PLXNA1: variants seen among roughly 807,000 people sequenced by gnomAD.
The protein encoded by PLXNA1 is plexin-A1.
In PLXNA1, 77 loss-of-function variants were observed where a neutral mutation model predicts 191.7. The ratio of observed to expected loss-of-function variants is 0.40; its 90% CI spans 0.33 to 0.49. The LOEUF (loss-of-function observed/expected upper bound fraction) is 0.49, where lower values mean the gene tolerates loss of function less well. Among genes scored for constraint, PLXNA1 ranks in the 20% least tolerant of loss-of-function variants. PLXNA1 has a pLI of 0.63. For missense variants in PLXNA1, 2,110 were observed against 2,660.2 expected (o/e 0.79, Z 4.55); for synonymous variants, 1,137 against 1,156.4 (o/e 0.98, Z 0.34).
intron 4 of PLXNA1, among the ~76,000 whole-genome samples, chr3:127,004,163 T>G (rs1424902383): frequency 1.3e-5 from 2 of 152,216 alleles, no homozygotes; most frequent in Non-Finnish European, 2.9e-5. Flanking sequence ...CTCAGGGACG[T>G]GCCTCCGTGG....
At chr3:127,010,786 G>A (rs558429594) in intron 9 of PLXNA1, among the ~76,000 whole-genome samples, 1 of 152,298 alleles carries the variant, frequency 6.6e-6, no homozygotes, top group East Asian at 1.9e-4. Context: ...TGAACTTACG[G>A]GCACCAACAA....
intron 3 of PLXNA1, among the ~76,000 whole-genome samples, chr3:126,998,042 C>T (rs73861741): frequency 0.034 from 5,227 of 152,236 alleles, 304 homozygotes; most frequent in African/African-American, 0.12. Context: ...GTGCTGGCAG[C>T]GTGCAGTGGG....
Position 127,022,095 on chromosome 3 carries a change from A to G in PLXNA1, c.4049A>G (p.Asn1350Ser), listed in dbSNP as rs1434515127. The change falls in exon 22 of 32, where the codon AAT becomes AGT. Residue 1350 changes from asparagine to serine, a missense_variant. This residue lies in a region of PLXNA1 where 559 missense variants were observed against 911.5 expected (regional missense o/e 0.61). Coordinates refer to ENST00000393409, the MANE Select transcript of PLXNA1 (RefSeq NM_032242.4). ...TGTGTGCTCCCTCAGGTGCAGGCCAATGTGGAGAAGTCGCTGACACTGTTC... is the reference window on the plus strand; with the variant it reads ...TGTGTGCTCCCTCAGGTGCAGGCCAGTGTGGAGAAGTCGCTGACACTGTTC... ...PVLKEMEVQA[N>S]VEKSLTLFGQ... 5 of 1,612,386 alleles carry G rather than the reference A, an allele frequency of 3.1e-6. No individual in the cohort carries two copies. Among genetic ancestry groups the G allele is most frequent in the Admixed American group, 3.3e-5 (2 of 59,992 alleles).
At chr3:126,990,708 CCTT>C (rs958703692) in intron 2 of PLXNA1, among the ~76,000 whole-genome samples, 1 of 152,232 alleles carries the variant, frequency 6.6e-6, no homozygotes, top group African/African-American at 2.4e-5. Flanking sequence ...GCCCCTCAGT[CCTT>C]CCGTCTCACG....
rs1289344220 is a variant in PLXNA1 at position 127,030,365 on chromosome 3, G to A, written c.5184G>A (p.Lys1728=). The change falls in exon 29 of 32, where the codon AAG becomes AAA. Residue 1728 remains lysine (K), a synonymous_variant. Transcript: ENST00000393409. ...MFDFLDEQAD[K]HQIHDADVRH... ...ACTTCCTGGATGAGCAGGCCGACAA[G>A]CACCAGATCCACGATGCTGACGTGC... is the stretch of plus-strand genomic sequence containing the variant. 1 of 1,614,018 alleles carries A rather than the reference G, an allele frequency of 6.2e-7. No homozygotes were observed. The highest frequency in any genetic ancestry group is 1.7e-5 in the Admixed American group (1 of 60,030).
At chr3:126,991,265 C>T (rs1403898637) in intron 2 of PLXNA1, 119 bp from the exon 3 acceptor site, 11 of 1,106,680 alleles carry the variant, frequency 9.9e-6, no homozygotes, top group Non-Finnish European at 1.4e-5. Context: ...CACCTCTCCT[C>T]TGGGGGCTAC....
At chr3:127,021,617 G>A (rs2079152492) in intron 21 of PLXNA1, among the ~76,000 whole-genome samples, 1 of 152,220 alleles carries the variant, frequency 6.6e-6, no homozygotes, top group Non-Finnish European at 1.5e-5. Flanking sequence ...AAGGCGGAGG[G>A]AGATGGTAGA....
chr3:127,012,606 A>G (rs915497400), intron 10 of PLXNA1, among the ~76,000 whole-genome samples: 3 of 152,230 alleles, frequency 2.0e-5, no homozygotes, highest in African/African-American at 7.2e-5. Flanking sequence ...GGCTCCGTCC[A>G]TCCCTGGCCA....
At position 126,989,254 on chromosome 3, in the gene PLXNA1, C is replaced by T; in HGVS notation, c.661C>T (p.Gln221Ter). ...TGCCGACATGTTCGGCTTCGTGTAC[C>T]AGGATGAGTTTGTGTCATCACAGCT... ...EDADMFGFVYQDEFVSSQLKI... is the reference protein window; with the variant it reads ...EDADMFGFVY The change falls in exon 2 of 32, where the codon CAG (glutamine) becomes TAG (stop). Residue 221 changes from glutamine to a stop codon, truncating the protein, a stop_gained. Coordinates refer to ENST00000393409, the MANE Select transcript of PLXNA1 (RefSeq NM_032242.4). LOFTEE classifies it high-confidence loss of function. The T allele has an allele frequency of 6.2e-7, 1 of 1,613,680 alleles. No homozygotes were observed. The highest frequency in any genetic ancestry group is 8.5e-7 in the Non-Finnish European group (1 of 1,180,042).
rs529316847 is a variant in PLXNA1 at position 127,017,608 on chromosome 3, C to T, written c.3460C>T (p.Pro1154Ser). ...CTACTACCCTGACCCCGTACTGGAG[C>T]CACTCAGCCCCACTGGCCTGCTGGA... ...FLYYPDPVLE[P>S]LSPTGLLELK... Residue 1154 changes from proline to serine, a missense_variant, in exon 18 of 32, where the codon CCA becomes TCA. Pro to Ser is a moderately conservative substitution (Grantham distance 74). This residue lies in a region of PLXNA1 where 644 missense variants were observed against 714.3 expected (regional missense o/e 0.90). Transcript: ENST00000393409. 47 of 1,613,722 alleles carry T rather than the reference C, an allele frequency of 2.9e-5. No homozygotes were observed. The Admixed American group carries it at 3.2e-4, about 11-fold the overall frequency.
chr3:126,983,428 G>T (rs1426749788), intron 1 of PLXNA1, among the ~76,000 whole-genome samples, 141 bp downstream of exon 1: 2 of 146,162 alleles, frequency 1.4e-5, no homozygotes, highest in East Asian at 4.0e-4. Context: ...CAGGCAGGGG[G>T]TGTGCGCGGG....
rs749976520 is a variant in PLXNA1, at chr3:127,016,596, C to G, written c.3094C>G (p.Arg1032Gly). The G allele has an allele frequency of 6.2e-7, 1 of 1,613,902 alleles. No homozygotes were observed. The highest frequency in any genetic ancestry group is 1.3e-5 in the African/African-American group (1 of 74,940). The change falls in exon 16 of 32, where the codon CGC becomes GGC. Residue 1032 changes from arginine to glycine, a missense_variant. By Grantham distance (125) the Arg-to-Gly change is moderately radical (BLOSUM62 -2). Around this residue, in one of 4 missense-constraint regions of PLXNA1, gnomAD observed 644 missense variants for 714.3 expected, o/e 0.90. Transcript: ENST00000393409. The part of the protein sequence containing the change: ...GSAPIIININ[R>G]AQLTNPEVKY... ...CGCTCCCATCATCATCAACATCAAC[C>G]GCGCCCAGCTCACCAACCCTGAGGT...
intron 8 of PLXNA1, among the ~76,000 whole-genome samples, chr3:127,006,715 T>A (rs983972248): frequency 5.3e-5 from 8 of 152,090 alleles, no homozygotes; most frequent in African/African-American, 1.9e-4. Flanking sequence ...TCCCCTCTGG[T>A]TGGTGCTGGC....
Position 126,988,619 on chromosome 3 carries a change from A to G in PLXNA1, c.26A>G (p.Gln9Arg). 1.3e-6 allele frequency: 2 copies of G among 1,563,634 alleles called. No homozygotes were observed. The highest frequency in any genetic ancestry group is 1.7e-6 in the Non-Finnish European group (2 of 1,155,644). ...ATGCCGCTGCCACCGCGGAGCCTGCAGGTGCTCCTGCTGCTGCTGCTGTTG... is the reference window on the plus strand; with the variant it reads ...ATGCCGCTGCCACCGCGGAGCCTGCGGGTGCTCCTGCTGCTGCTGCTGTTG... MPLPPRSL[Q>R]VLLLLLLLLL... Residue 9 changes from glutamine (Q) to arginine (R), a missense_variant, in exon 2 of 32, where the codon CAG (glutamine) becomes CGG (arginine). This residue lies in a region of PLXNA1 where 903 missense variants were observed against 1,015.7 expected (regional missense o/e 0.89). Coordinates refer to ENST00000393409, the MANE Select transcript of PLXNA1 (RefSeq NM_032242.4).
At chr3:127,020,470 C>T (rs2079147001) in intron 21 of PLXNA1, 126 bp downstream of exon 21, 12 of 1,205,772 alleles carry the variant, frequency 1.0e-5, no homozygotes, top group Non-Finnish European at 1.1e-5. Context: ...GGGTCCAGGC[C>T]TGCAGGGCTC....
chr3:126,991,835 T>C (rs1197207018), intron 3 of PLXNA1, among the ~76,000 whole-genome samples: 3 of 152,166 alleles, frequency 2.0e-5, no homozygotes, highest in Admixed American at 2.0e-4. Flanking sequence ...CCAGGGATGC[T>C]GAGGCGGGGG....
At chr3:126,984,747 G>A (rs1339568021) in intron 1 of PLXNA1, among the ~76,000 whole-genome samples, 1 of 152,218 alleles carries the variant, frequency 6.6e-6, no homozygotes, top group Non-Finnish European at 1.5e-5. Flanking sequence ...GGACAAAGCA[G>A]ACAGCCCTTT....
chr3:126,984,990 G>T (rs868417003), intron 1 of PLXNA1, among the ~76,000 whole-genome samples: 10 of 152,190 alleles, frequency 6.6e-5, no homozygotes, highest in South Asian at 2.1e-4. Flanking sequence ...CCCCCGTTGT[G>T]GGGGAGGCGG....
chr3:127,031,336 T>G (rs941737293), intron 29 of PLXNA1, among the ~76,000 whole-genome samples: 1 of 152,074 alleles, frequency 6.6e-6, no homozygotes, highest in Non-Finnish European at 1.5e-5. Context: ...GGGGAGCCCC[T>G]CTCTGTGCAC....
Sources: gnomAD v4.1 joint callset for allele counts (sites outside exome capture counted in the v4.1 genomes callset) on GRCh38, gnomAD v4.1.1 for gene constraint, gnomAD v4.1.1 regional missense constraint, MANE v1.5 for transcripts, NCBI Gene and HGNC (gene_info 2026-07-23, HGNC 2026-07-21) for gene names.